The following NNT variants were observed in gnomAD, a reference collection of about 807,000 sequenced individuals.
The protein encoded by NNT is nicotinamide nucleotide transhydrogenase.
NNT carries 50 observed loss-of-function variants against 104.8 expected under a neutral mutation model. The ratio of observed to expected loss-of-function variants is 0.48; its 90% CI spans 0.38 to 0.60. The LOEUF is 0.60. NNT is among the 20% of genes least tolerant of loss of function. NNT has a pLI of 0.00. For missense variants in NNT, 1,131 were observed against 1,330.7 expected (o/e 0.85, Z 2.33); for synonymous variants, 461 against 490.4 (o/e 0.94, Z 0.79).
chr5:43,691,195 G>C (rs1319918567), intron 19 of NNT, among the ~76,000 whole-genome samples: 1 of 152,092 alleles, frequency 6.6e-6, no homozygotes, highest in Non-Finnish European at 1.5e-5. Flanking sequence ...CGCCTCCTGG[G>C]TTCAAGCGAT....
chr5:43,658,560 G>T (rs1336099765), intron 16 of NNT, among the ~76,000 whole-genome samples: 1 of 152,190 alleles, frequency 6.6e-6, no homozygotes, highest in Non-Finnish European at 1.5e-5. Context: ...ATGGTGGGTG[G>T]TGGGGGGCAG....
chr5:43,638,679 T>TC (rs1751064489), intron 7 of NNT, among the ~76,000 whole-genome samples: 1 of 151,386 alleles, frequency 6.6e-6, no homozygotes, highest in Non-Finnish European at 1.5e-5. Flanking sequence ...TTTTTTTTTT[T>TC]AGACCCTCTA....
rs777104116 is a variant in NNT, at chr5:43,644,594, T to C, written c.1099-17T>C. The C allele has an allele frequency of 6.3e-7, 1 of 1,592,992 alleles. No homozygotes were observed. Among genetic ancestry groups the C allele is most frequent in the Non-Finnish European group, 8.5e-7 (1 of 1,170,376 alleles). ...ATAGGGTGATAGACCTTTTTGACTA[T>C]AATTTTGTTCATTTAGGGAATTACT... On this transcript the variant is annotated splice_polypyrimidine_tract_variant and intron_variant, in intron 8 of 21. Transcript: ENST00000344920.
chr5:43,671,380 G>A (rs1283030633), intron 17 of NNT, among the ~76,000 whole-genome samples: 6 of 152,158 alleles, frequency 3.9e-5, no homozygotes, highest in Non-Finnish European at 7.3e-5. Flanking sequence ...TCCTAGCCTC[G>A]ATGGTCTTTA....
At chr5:43,666,737 C>G in intron 17 of NNT, 1 of 1,204,908 alleles carries the variant, frequency 8.3e-7, no homozygotes, top group Non-Finnish European at 1.2e-6. Flanking sequence ...TCGCACCAGT[C>G]CTTCTGTCCT....
At chr5:43,658,071 G>T (rs758835915) in intron 16 of NNT, among the ~76,000 whole-genome samples, 1 of 152,036 alleles carries the variant, frequency 6.6e-6, no homozygotes, top group Non-Finnish European at 1.5e-5. Context: ...GGAGGCGGAG[G>T]TTGCAGTGAG....
intron 19 of NNT, among the ~76,000 whole-genome samples, chr5:43,698,081 T>TATAC (rs546225803): frequency 2.2e-3 from 327 of 150,152 alleles, no homozygotes; most frequent in African/African-American, 7.6e-3. Context: ...TTTGGATATA[T>TATAC]ACACACACAC....
intron 17 of NNT, among the ~76,000 whole-genome samples, chr5:43,670,769 G>A (rs1298269766): frequency 9.9e-5 from 15 of 152,206 alleles, no homozygotes; most frequent in Admixed American, 9.8e-4. Flanking sequence ...TTGATTTGGG[G>A]TGGAGACATT....
At chr5:43,676,599 A>G (rs996813029) in intron 18 of NNT, among the ~76,000 whole-genome samples, 2 of 152,174 alleles carry the variant, frequency 1.3e-5, no homozygotes, top group African/African-American at 4.8e-5. Flanking sequence ...AACGTGTGGG[A>G]CACTGCTGCA....
At chr5:43,667,716 C>T (rs910064441) in intron 17 of NNT, among the ~76,000 whole-genome samples, 86 of 152,210 alleles carry the variant, frequency 5.7e-4, no homozygotes, top group African/African-American at 1.8e-3. Flanking sequence ...TGAATAGTGC[C>T]GCAATAAACA....
intron 7 of NNT, among the ~76,000 whole-genome samples, chr5:43,632,219 C>T (rs1384831516): frequency 2.6e-5 from 4 of 152,284 alleles, no homozygotes; most frequent in African/African-American, 9.6e-5. Context: ...GTATCTGACT[C>T]TTGAATGACC....
chr5:43,609,164 G>T lies in NNT; in HGVS notation c.-32G>T, dbSNP rs1337787901. 6.3e-7 allele frequency: 1 copy of T among 1,582,006 alleles called. No individual in the cohort carries two copies. Among genetic ancestry groups the T allele is most frequent in the African/African-American group, 1.3e-5 (1 of 74,098 alleles). On this transcript the variant is annotated 5_prime_UTR_variant, in exon 2 of 22. Coordinates refer to ENST00000344920, the MANE Select transcript of NNT (RefSeq NM_182977.3). ...TTAGTGATTTGCCTTCAAGGAAACT[G>T]GGGAGTCAGAAAATTGGGAACTCAT...
intron 18 of NNT, among the ~76,000 whole-genome samples, chr5:43,676,715 G>A (rs1741433849): frequency 6.6e-6 from 1 of 152,130 alleles, no homozygotes; most frequent in Non-Finnish European, 1.5e-5. Flanking sequence ...TTTCCTCTAG[G>A]CACTTTCCAT....
chr5:43,648,427 C>A (rs575402371), intron 10 of NNT: 4 of 163,084 alleles, frequency 2.5e-5, no homozygotes, highest in Non-Finnish European at 4.0e-5. Flanking sequence ...TCAAGGAAGG[C>A]GATAATTAAA....
chr5:43,655,515 T>C (rs769313338), intron 14 of NNT, among the ~76,000 whole-genome samples: 1 of 152,204 alleles, frequency 6.6e-6, no homozygotes, highest in Non-Finnish European at 1.5e-5. Flanking sequence ...AGGCTATATA[T>C]ATATGAAACA....
At chr5:43,701,522 G>A (rs1418307997) in intron 20 of NNT, among the ~76,000 whole-genome samples, 1 of 152,010 alleles carries the variant, frequency 6.6e-6, no homozygotes, top group Non-Finnish European at 1.5e-5. Context: ...CTTTGCTATT[G>A]TGAATAGTGC....
chr5:43,665,793 A>G lies in NNT; in HGVS notation c.2634+6443A>G, dbSNP rs1254192523. Among the ~76,000 whole-genome samples the G allele has an allele frequency of 3.1e-5, 4 of 128,388 alleles. 1 individual carries two copies. The highest frequency in any genetic ancestry group is 7.4e-5 in the Non-Finnish European group (4 of 54,268). 84.2% of individuals were successfully genotyped at this position (128,388 alleles called of 152,430 possible). The stretch of plus-strand genomic sequence containing the variant: ...CCGGGCAGAGGGGCTCACTTCCCAG[A>G]CGGGGCAGCCAGGCAGAGGCGCACC... On this transcript the variant is annotated intron_variant, in intron 17 of 21. Coordinates refer to ENST00000344920, the MANE Select transcript of NNT (RefSeq NM_182977.3).
At chr5:43,610,810 G>A (rs1040148719) in intron 2 of NNT, among the ~76,000 whole-genome samples, 2 of 152,166 alleles carry the variant, frequency 1.3e-5, no homozygotes, top group Non-Finnish European at 2.9e-5. Flanking sequence ...GTAAATAACT[G>A]TTGAAGACAT....
intron 7 of NNT, among the ~76,000 whole-genome samples, chr5:43,636,436 A>G (rs1047523745): frequency 1.2e-4 from 19 of 152,182 alleles, no homozygotes; most frequent in African/African-American, 4.3e-4. Flanking sequence ...ATTGTTTTTG[A>G]TATGAATTTG....
Sources: gnomAD v4.1 joint callset for allele counts (sites outside exome capture counted in the v4.1 genomes callset) on GRCh38, gnomAD v4.1.1 for gene constraint, MANE v1.5 for transcripts, NCBI Gene and HGNC (gene_info 2026-07-23, HGNC 2026-07-21) for gene names.